The following TFB1M variants were observed in gnomAD, a reference collection of about 807,000 sequenced individuals.
TFB1M encodes the protein transcription factor B1, mitochondrial.
A neutral mutation model predicts 31.1 loss-of-function variants in TFB1M; 27 were observed. The ratio of observed to expected loss-of-function variants is 0.87; its 90% confidence interval spans 0.64 to 1.20. TFB1M has a LOEUF of 1.20. Among genes scored for constraint, TFB1M ranks in the 50% most tolerant of loss-of-function variants. The pLI is 0.00. For synonymous variants in TFB1M, 166 were observed against 151.8 expected, an observed-to-expected ratio of 1.09 and a Z score of -0.69; for missense variants, 394 against 418.7, an observed-to-expected ratio of 0.94 and a Z score of 0.51.
At chr6:155,234,561 G>A in the TFB1M span, among the ~76,000 whole-genome samples, 1 of 152,142 alleles carries the variant, frequency 6.6e-6, no homozygotes, top group African/African-American at 2.4e-5. Flanking sequence ...TGCCACCATG[G>A]CCGGCTAATT....
chr6:155,312,805 C>G (rs1267528826), intron 1 of TFB1M, among the ~76,000 whole-genome samples: 3 of 151,954 alleles, frequency 2.0e-5, no homozygotes, highest in Non-Finnish European at 4.4e-5. Flanking sequence ...AAAAAATACA[C>G]AGACCTATAA....
rs1227009778 is a variant in TFB1M, at chr6:155,256,677, G to C, written c.*1159C>G. The C allele has an allele frequency of 3.1e-6, 5 of 1,614,070 alleles. No homozygotes were observed. The African/African-American group carries it at 5.3e-5, about 17-fold the overall frequency. ...CCGGGAAATACCCACACCCCGGCTT[G>C]GCAGATTTTGCCGACAATCTCATCA... On this transcript the variant is annotated 3_prime_UTR_variant, in exon 7 of 7. Coordinates refer to ENST00000367166, the MANE Select transcript of TFB1M (RefSeq NM_016020.4).
At chr6:155,297,206 G>A in intron 3 of TFB1M, 102 bp from the exon 4 acceptor site, 4 of 1,234,590 alleles carry the variant, frequency 3.2e-6, no homozygotes, top group Non-Finnish European at 2.3e-6. Context: ...TAGCATCAAA[G>A]AAAAATATAT....
the TFB1M span, among the ~76,000 whole-genome samples, chr6:155,246,099 A>C: frequency 6.6e-6 from 1 of 151,024 alleles, no homozygotes; most frequent in Non-Finnish European, 1.5e-5. Context: ...TAATCTTCTT[A>C]AGCCTGAGGA....
At chr6:155,240,475 G>A in the TFB1M span, 87 of 1,533,522 alleles carry the variant, frequency 5.7e-5, no homozygotes, top group Admixed American at 2.3e-4. Context: ...TGGGGGCAGC[G>A]GATACTATCA....
chr6:155,276,452 A>T, intron 5 of TFB1M: 1 of 1,327,398 alleles, frequency 7.5e-7, no homozygotes, highest in Non-Finnish European at 1.0e-6. Flanking sequence ...AAAAATCAGA[A>T]TTATGCTTAA....
rs543626045 is a variant in TFB1M at position 155,305,220 on chromosome 6, TTA to T, written c.285+5966_285+5967del. On this transcript the variant is annotated intron_variant, in intron 2 of 6. Coordinates refer to ENST00000367166, the MANE Select transcript of TFB1M (RefSeq NM_016020.4). ...TTTATATATATATTAAATTATATAT[TTA>T]TATATATATATTAAATTATATATTT... Among the ~76,000 whole-genome samples the T allele has an allele frequency of 6.8e-3, 270 of 39,732 alleles. 34 individuals carry two copies. In the East Asian group the frequency reaches 0.29, roughly 43 times the overall value. The allele number at this position is 39,732 out of a possible 152,430, so 26.1% of individuals were successfully genotyped here.
At chr6:155,264,788 G>A (rs1187961533) in intron 5 of TFB1M, among the ~76,000 whole-genome samples, 1 of 152,134 alleles carries the variant, frequency 6.6e-6, no homozygotes, top group Non-Finnish European at 1.5e-5. Context: ...AATGTGGTGA[G>A]GGGGATGAAG....
At chr6:155,289,252 G>A (rs1418533765) in intron 4 of TFB1M, among the ~76,000 whole-genome samples, 1 of 152,020 alleles carries the variant, frequency 6.6e-6, no homozygotes, top group African/African-American at 2.4e-5. Flanking sequence ...GATGGTGGGA[G>A]AAAAAGAGGC....
intron 2 of TFB1M, among the ~76,000 whole-genome samples, chr6:155,307,496 T>G (rs1232230528): frequency 6.6e-6 from 1 of 152,046 alleles, no homozygotes; most frequent in Non-Finnish European, 1.5e-5. Context: ...TCCACTATCA[T>G]GAGAACAGCA....
At chr6:155,272,641 T>C (rs1411650108) in intron 5 of TFB1M, among the ~76,000 whole-genome samples, 1 of 152,084 alleles carries the variant, frequency 6.6e-6, no homozygotes, top group Non-Finnish European at 1.5e-5. Flanking sequence ...GCAATGCAGC[T>C]AAAATGCCAG....
At chr6:155,300,057 C>A (rs139790155) in intron 2 of TFB1M, among the ~76,000 whole-genome samples, 207 of 152,280 alleles carry the variant, frequency 1.4e-3, no homozygotes, top group African/African-American at 4.9e-3. Flanking sequence ...AAGTGAATGA[C>A]CAAATGGCAT....
Position 155,257,333 on chromosome 6 carries a change from C to CTTAGT in TFB1M, c.*498_*502dup, listed in dbSNP as rs1562381027. 1 of 575,932 alleles carries CTTAGT rather than the reference C, an allele frequency of 1.7e-6. No individual in the cohort carries two copies. Among genetic ancestry groups the CTTAGT allele is most frequent in the East Asian group, 3.1e-5 (1 of 31,796 alleles). 35.7% of individuals were successfully genotyped at this position (575,932 alleles called of 1,614,324 possible). The stretch of plus-strand genomic sequence containing the variant: ...GAAACTGGTCAGAATCTGTAAATTA[C>CTTAGT]TTAGTTTATATCCACTTTGAGCAGG... On this transcript the variant is annotated 3_prime_UTR_variant, in exon 7 of 7. Coordinates refer to ENST00000367166, the MANE Select transcript of TFB1M (RefSeq NM_016020.4).
chr6:155,235,220 G>A, the TFB1M span, among the ~76,000 whole-genome samples: 65,321 of 152,082 alleles, frequency 0.43, 15,114 homozygotes, highest in Middle Eastern at 0.57. Flanking sequence ...GCAGCTGCTC[G>A]GCAAACACGA....
Position 155,311,253 on chromosome 6 carries a change from G to A in TFB1M, c.220C>T (p.Leu74Phe), listed in dbSNP as rs1395595231. The change falls in exon 2 of 7, where the codon CTT (leucine) becomes TTT (phenylalanine). Residue 74 changes from leucine to phenylalanine, a missense_variant. Transcript: ENST00000367166. ...AGAAGTTCAGCGACGTCGGCATTAA[G>A]AATAGATCTTGTGATTCCCCCTGGC... ...PGPGGITRSI[L>F]NADVAELLVV... is the part of the protein sequence containing the mutation. The A allele has an allele frequency of 1.9e-5, 30 of 1,614,106 alleles. No homozygotes were observed. Among genetic ancestry groups the A allele is most frequent in the Non-Finnish European group, 2.5e-5 (29 of 1,179,966 alleles).
At chr6:155,283,328 T>C (rs994822341) in intron 5 of TFB1M, among the ~76,000 whole-genome samples, 2 of 152,154 alleles carry the variant, frequency 1.3e-5, no homozygotes, top group Non-Finnish European at 2.9e-5. Context: ...GATAAGTGCT[T>C]TTCTGGATTA....
At chr6:155,289,362 G>C (rs887059193) in intron 4 of TFB1M, among the ~76,000 whole-genome samples, 1 of 152,178 alleles carries the variant, frequency 6.6e-6, no homozygotes, top group Non-Finnish European at 1.5e-5. Context: ...CTCAAGTTCA[G>C]CCTTCCCTGT....
At chr6:155,240,526 T>A in the TFB1M span, 36 of 1,602,080 alleles carry the variant, frequency 2.2e-5, no homozygotes, top group Non-Finnish European at 3.0e-5. Context: ...TTGTCCTCTC[T>A]CAGAGTGCTG....
chr6:155,305,796 T>C (rs1051051651), intron 2 of TFB1M, among the ~76,000 whole-genome samples: 2 of 133,150 alleles, frequency 1.5e-5, no homozygotes, highest in Non-Finnish European at 3.1e-5. Flanking sequence ...AAATTTTTAG[T>C]GATCTTGGTT....
Sources: allele counts gnomAD v4.1 joint callset (sites outside exome capture counted in the v4.1 genomes callset), GRCh38; gene constraint gnomAD v4.1.1; transcripts MANE v1.5; gene names NCBI Gene and HGNC (gene_info 2026-07-23, HGNC 2026-07-21).